Variants in LRRC69 observed in about 807,000 individuals in gnomAD.
LRRC69 encodes leucine-rich repeat-containing protein 69.
Under a neutral mutation model 37.8 loss-of-function variants are expected in LRRC69, and 42 were observed. The ratio of observed to expected loss-of-function variants is 1.11; its 90% CI spans 0.87 to 1.44. The LOEUF (loss-of-function observed/expected upper bound fraction) is 1.44. LRRC69 is among the 40% of genes most tolerant of loss of function. LRRC69 has a pLI of 0.00. For synonymous variants in LRRC69, 141 were observed against 143.1 expected (o/e 0.99, Z 0.11); for missense variants, 357 against 401.9 (o/e 0.89, Z 0.96).
intron 7 of LRRC69, among the ~76,000 whole-genome samples, chr8:91,214,920 T>C (rs1368823996): frequency 6.6e-6 from 1 of 152,058 alleles, no homozygotes. Context: ...GGGGGAACCA[T>C]TTTCTGGCCC....
intron 5 of LRRC69, among the ~76,000 whole-genome samples, chr8:91,156,404 A>C (rs531857127): frequency 4.2e-4 from 64 of 150,878 alleles, no homozygotes; most frequent in Non-Finnish European, 8.2e-4. Context: ...TCCTTCACCA[A>C]TTTTTAAATC....
In LRRC69 at chr8:91,161,617, G is replaced by A. The variant is rs116674830; in HGVS notation, c.651+25878G>A. On this transcript the variant is annotated intron_variant, in intron 5 of 7. Transcript: ENST00000448384. ...ATAATAATCTCTAATGATCCTTTGC[G>A]TTCTGTGATATTAATGTGTCTCCTT... is the stretch of plus-strand genomic sequence containing the variant. 2.2e-3 allele frequency among the ~76,000 whole-genome samples: 339 copies of A among 151,158 alleles called. 2 individuals are homozygous for A. The highest frequency in any genetic ancestry group is 7.8e-3 in the African/African-American group (323 of 41,394).
intron 1 of LRRC69, among the ~76,000 whole-genome samples, chr8:91,117,915 G>A (rs1322998016): frequency 1.3e-5 from 2 of 151,744 alleles, no homozygotes; most frequent in Non-Finnish European, 2.9e-5. Flanking sequence ...CAGGGGTCTG[G>A]AAATTATGTC....
intron 5 of LRRC69, among the ~76,000 whole-genome samples, chr8:91,149,201 G>T (rs900739804): frequency 6.6e-6 from 1 of 151,888 alleles, no homozygotes. Context: ...TTCTTCTAGG[G>T]TTTTTATGGT....
chr8:91,115,717 G>A (rs1362418403), intron 1 of LRRC69, among the ~76,000 whole-genome samples: 3 of 151,750 alleles, frequency 2.0e-5, no homozygotes, highest in Admixed American at 1.3e-4. Context: ...AAATCAAAGC[G>A]ATTTTCTAAA....
At chr8:91,109,250 G>C (rs1005527109) in intron 1 of LRRC69, among the ~76,000 whole-genome samples, 6 of 152,032 alleles carry the variant, frequency 3.9e-5, no homozygotes, top group Non-Finnish European at 8.8e-5. Context: ...TTCTCTCTCT[G>C]CTGGCAGGTG....
chr8:91,218,980 T>C, exon 8 of LRRC69: 1 of 1,549,060 alleles, frequency 6.5e-7, no homozygotes, highest in African/African-American at 1.4e-5. Context: ...CCCTAACCTC[T>C]TTGGAATTGC....
chr8:91,191,931 G>C (rs1446145549), intron 6 of LRRC69, among the ~76,000 whole-genome samples: 1 of 151,744 alleles, frequency 6.6e-6, no homozygotes, highest in Non-Finnish European at 1.5e-5. Context: ...TGCCATGCTG[G>C]TGCGCTGCAC....
chr8:91,194,685 G>T (rs1377003583), intron 6 of LRRC69, among the ~76,000 whole-genome samples: 1 of 152,076 alleles, frequency 6.6e-6, no homozygotes, highest in African/African-American at 2.4e-5. Context: ...TGTGGGATCG[G>T]TGATGATATC....
chr8:91,133,093 T>C lies in LRRC69; in HGVS notation c.384-17T>C. The stretch of plus-strand genomic sequence containing the variant: ...TGTGAGTTTCATTCATATACTTTGG[T>C]GTTTTTTTTTTTTTAGATTAAAAAG... On this transcript the variant is annotated splice_polypyrimidine_tract_variant and intron_variant, in intron 3 of 7. Coordinates refer to ENST00000448384, the Ensembl canonical transcript of LRRC69. 6 of 1,240,240 alleles carry C rather than the reference T, an allele frequency of 4.8e-6. No homozygotes were observed. In the South Asian group the frequency reaches 5.6e-5, roughly 12 times the overall value. The allele number at this position is 1,240,240 out of a possible 1,614,324, so 76.8% of individuals were successfully genotyped here. A position where few individuals can be genotyped will look rare whatever the true frequency, so the allele number is the denominator to read the frequency against.
intron 5 of LRRC69, chr8:91,157,850 G>A (rs988544549): frequency 1.4e-5 from 22 of 1,605,242 alleles, no homozygotes; most frequent in Non-Finnish European, 1.6e-5. Flanking sequence ...TCATTTACAA[G>A]AGCAGAATGT....
chr8:91,212,995 C>T (rs927729600), intron 7 of LRRC69, among the ~76,000 whole-genome samples: 1 of 152,180 alleles, frequency 6.6e-6, no homozygotes. Context: ...TCTCAAACTG[C>T]TGGATACAGT....
intron 1 of LRRC69, among the ~76,000 whole-genome samples, chr8:91,119,481 C>T (rs1358775773): frequency 6.6e-6 from 1 of 152,040 alleles, no homozygotes; most frequent in Non-Finnish European, 1.5e-5. Context: ...TTCCTCTTCT[C>T]CAAGCTACAT....
intron 5 of LRRC69, among the ~76,000 whole-genome samples, chr8:91,153,524 G>T (rs4515506): frequency 6.6e-6 from 1 of 151,634 alleles, no homozygotes; most frequent in Non-Finnish European, 1.5e-5. Flanking sequence ...CTCTCAGACC[G>T]CTGTGCAATC....
chr8:91,129,006 TCC>T (rs1813764141), intron 3 of LRRC69, among the ~76,000 whole-genome samples: 2 of 152,044 alleles, frequency 1.3e-5, no homozygotes, highest in Non-Finnish European at 2.9e-5. Context: ...CTCTCTAAAT[TCC>T]ATATCTTATT....
rs1809426286 is a variant in LRRC69, at chr8:91,187,594, A to G, written c.652-1928A>G. On this transcript the variant is annotated intron_variant, in intron 5 of 7. Transcript: ENST00000448384. ...GGTTCCCTCAGCACTTCTGTATAAT[A>G]TATTTCTGTCCAGGTTCCTTTACTG... Among the ~76,000 whole-genome samples the G allele has an allele frequency of 2.0e-5, 3 of 152,194 alleles. No individual in the cohort carries two copies. The South Asian group carries it at 6.2e-4, about 31-fold the overall frequency.
intron 3 of LRRC69, 42 bp downstream of exon 3, chr8:91,127,202 C>T (rs1422845875): frequency 6.5e-6 from 9 of 1,382,956 alleles, no homozygotes; most frequent in African/African-American, 2.9e-5. Flanking sequence ...AATCGTGCCC[C>T]TCCTCTATCC....
At chr8:91,187,002 A>G (rs1227197608) in intron 5 of LRRC69, among the ~76,000 whole-genome samples, 3 of 152,222 alleles carry the variant, frequency 2.0e-5, no homozygotes, top group Non-Finnish European at 1.5e-5. Context: ...GGAGTGGTTC[A>G]TTGGACAGCC....
chr8:91,216,432 G>A (rs980147647), intron 7 of LRRC69, among the ~76,000 whole-genome samples: 3 of 152,080 alleles, frequency 2.0e-5, no homozygotes, highest in East Asian at 1.9e-4. Context: ...ATCAGATGTC[G>A]AACTTGTTTC....
Sources: gnomAD v4.1 joint callset for allele counts (sites outside exome capture counted in the v4.1 genomes callset) on GRCh38, gnomAD v4.1.1 for gene constraint, MANE v1.5 for transcripts, NCBI Gene and HGNC (gene_info 2026-07-23, HGNC 2026-07-21) for gene names.